NCOA2: variants seen among roughly 807,000 people sequenced by gnomAD.
NCOA2 encodes the protein class E basic helix-loop-helix protein 75.
In NCOA2, 21 loss-of-function variants were observed where a neutral mutation model predicts 145.1. That is an observed-to-expected ratio of 0.14 (90% confidence interval 0.10 to 0.21). The LOEUF is 0.21. Among genes scored for constraint, NCOA2 ranks in the 10% least tolerant of loss-of-function variants. The probability of loss-of-function intolerance (pLI) is 1.00; values close to 1 mark genes in which losing one functional copy is unlikely to be tolerated. For missense variants in NCOA2, 1,472 were observed against 1,837.6 expected (o/e 0.80, Z 3.64); for synonymous variants, 619 against 637.5 (o/e 0.97, Z 0.44).
At chr8:70,168,504 G>A (rs1197888339) in intron 6 of NCOA2, among the ~76,000 whole-genome samples, 1 of 152,028 alleles carries the variant, frequency 6.6e-6, no homozygotes, top group African/African-American at 2.4e-5. Context: ...ATTTTTTAGT[G>A]GAGGCAGGGT....
the NCOA2 span, among the ~76,000 whole-genome samples, chr8:70,412,324 GT>G: frequency 6.6e-6 from 1 of 151,300 alleles, no homozygotes; most frequent in Admixed American, 6.6e-5. Context: ...ACAAAAATAA[GT>G]TGATATAGTT....
At chr8:70,280,411 T>A (rs933234154) in intron 2 of NCOA2, among the ~76,000 whole-genome samples, 2 of 152,154 alleles carry the variant, frequency 1.3e-5, no homozygotes, top group African/African-American at 4.8e-5. Flanking sequence ...GTAAGATAAA[T>A]CAAAATTCAT....
chr8:70,335,475 TTC>T (rs1226905783), intron 1 of NCOA2, among the ~76,000 whole-genome samples: 1 of 152,194 alleles, frequency 6.6e-6, no homozygotes, highest in Non-Finnish European at 1.5e-5. Flanking sequence ...TTTGCCATGA[TTC>T]TGTTTAAATG....
At chr8:70,291,151 A>T (rs1321646955) in intron 2 of NCOA2, among the ~76,000 whole-genome samples, 1 of 152,202 alleles carries the variant, frequency 6.6e-6, no homozygotes, top group African/African-American at 2.4e-5. Flanking sequence ...AACAACAAAA[A>T]CAACAAACAG....
intron 2 of NCOA2, among the ~76,000 whole-genome samples, chr8:70,280,331 G>A (rs1004626808): frequency 6.6e-6 from 1 of 152,190 alleles, no homozygotes; most frequent in African/African-American, 2.4e-5. Context: ...TGGGGAAAAT[G>A]ATAAAAGACA....
chr8:70,270,574 G>T (rs1005396122), intron 2 of NCOA2, among the ~76,000 whole-genome samples: 3 of 151,998 alleles, frequency 2.0e-5, no homozygotes, highest in Non-Finnish European at 4.4e-5. Context: ...TGGCGGGGGT[G>T]GGGGGATAGC....
the NCOA2 span, among the ~76,000 whole-genome samples, chr8:70,449,305 A>G: frequency 6.6e-6 from 1 of 152,224 alleles, no homozygotes. Context: ...ATACTTGTTA[A>G]GCACCTTCTA....
At chr8:70,192,441 C>T (rs954981795) in intron 4 of NCOA2, among the ~76,000 whole-genome samples, 2 of 152,210 alleles carry the variant, frequency 1.3e-5, no homozygotes, top group African/African-American at 4.8e-5. Flanking sequence ...CTGTGCTAGC[C>T]TGAGCCCTTA....
chr8:70,388,652 T>C (rs1053013853), intron 1 of NCOA2, among the ~76,000 whole-genome samples: 4 of 151,872 alleles, frequency 2.6e-5, no homozygotes, highest in African/African-American at 9.7e-5. Context: ...GAGTCACTCA[T>C]TAAATTTTTG....
intron 2 of NCOA2, among the ~76,000 whole-genome samples, chr8:70,228,621 CT>C (rs1226413850): frequency 6.6e-6 from 1 of 152,112 alleles, no homozygotes; most frequent in Non-Finnish European, 1.5e-5. Context: ...CTACCTGTTT[CT>C]TTTAAATAGT....
chr8:70,304,733 G>A (rs1827758933), intron 1 of NCOA2, among the ~76,000 whole-genome samples: 1 of 151,748 alleles, frequency 6.6e-6, no homozygotes, highest in Non-Finnish European at 1.5e-5. Context: ...CTGAGCTCAT[G>A]ATCCACCCAT....
intron 1 of NCOA2, among the ~76,000 whole-genome samples, chr8:70,366,135 C>T (rs913669629): frequency 1.3e-5 from 2 of 152,140 alleles, no homozygotes; most frequent in Admixed American, 6.6e-5. Context: ...GCCACAAGAC[C>T]AATTTCGGGC....
chr8:70,188,628 C>T (rs1278212417), intron 4 of NCOA2, among the ~76,000 whole-genome samples: 1 of 152,028 alleles, frequency 6.6e-6, no homozygotes, highest in African/African-American at 2.4e-5. Flanking sequence ...TAAAAACTAG[C>T]TTAAATAATT....
At chr8:70,118,907 C>A (rs1807452507) in intron 22 of NCOA2, among the ~76,000 whole-genome samples, 1 of 152,088 alleles carries the variant, frequency 6.6e-6, no homozygotes, top group Non-Finnish European at 1.5e-5. Context: ...AGGCTAGTCT[C>A]AAACTCTTGA....
chr8:70,323,760 C>G (rs144658570), intron 1 of NCOA2, among the ~76,000 whole-genome samples: 11 of 151,996 alleles, frequency 7.2e-5, no homozygotes, highest in Admixed American at 3.9e-4. Context: ...CTGGTATGAG[C>G]CTATGTGCTA....
At chr8:70,162,662 G>A (rs1813162867) in intron 9 of NCOA2, 49 bp downstream of exon 9, 4 of 1,555,522 alleles carry the variant, frequency 2.6e-6, no homozygotes, top group Admixed American at 1.8e-5. Flanking sequence ...TTGACAGAAA[G>A]CTCCCACAGG....
chr8:70,145,465 C>T (rs983687040), intron 12 of NCOA2, among the ~76,000 whole-genome samples: 1 of 152,044 alleles, frequency 6.6e-6, no homozygotes, highest in South Asian at 2.1e-4. Context: ...GCTGGGACTA[C>T]AGCTGTGCCA....
At chr8:70,199,622 A>C (rs184652577) in intron 4 of NCOA2, among the ~76,000 whole-genome samples, 1 of 152,120 alleles carries the variant, frequency 6.6e-6, no homozygotes, top group Non-Finnish European at 1.5e-5. Context: ...GCTGAACAGT[A>C]AACAGGAGTG....
intron 1 of NCOA2, among the ~76,000 whole-genome samples, chr8:70,385,854 T>C (rs1164710800): frequency 6.6e-6 from 1 of 152,274 alleles, no homozygotes; most frequent in African/African-American, 2.4e-5. Context: ...TCATAGTATC[T>C]TGAAATATTT....
Sources: allele counts gnomAD v4.1 joint callset (sites outside exome capture counted in the v4.1 genomes callset), GRCh38; gene constraint gnomAD v4.1.1; transcripts MANE v1.5; gene names NCBI Gene and HGNC (gene_info 2026-07-23, HGNC 2026-07-21).